The following CADPS variants were observed in gnomAD, a reference collection of about 807,000 sequenced individuals.
CADPS encodes calcium dependent secretion activator.
CADPS carries 57 observed loss-of-function variants against 167.3 expected under a neutral mutation model. The observed-to-expected ratio is 0.34, with a 90% CI of 0.28 to 0.42. The LOEUF is 0.42. Ranked by LOEUF, CADPS falls within the 20% of genes least tolerant of loss-of-function variation. The pLI, the probability that CADPS is intolerant of heterozygous loss-of-function variation, is 1.00. For missense variants in CADPS, 1,414 were observed against 1,738.1 expected, an observed-to-expected ratio of 0.81 and a Z score of 3.32; for synonymous variants, 676 against 635.3, an observed-to-expected ratio of 1.06 and a Z score of -0.96.
intron 3 of CADPS, among the ~76,000 whole-genome samples, chr3:62,715,753 CTTTTTTTTTTTT>C (rs71123291): frequency 2.2e-5 from 2 of 89,716 alleles, no homozygotes; most frequent in Non-Finnish European, 4.1e-5. Context: ...GATTATAAAT[CTTTTTTTTTTTT>C]TTTTTTTTTG....
At chr3:62,603,196 A>T (rs549910393) in intron 6 of CADPS, among the ~76,000 whole-genome samples, 1 of 152,346 alleles carries the variant, frequency 6.6e-6, no homozygotes. Flanking sequence ...GAGCACACTC[A>T]ATAGGCATTT....
At chr3:62,515,446 G>C (rs939582115) in intron 16 of CADPS, among the ~76,000 whole-genome samples, 1 of 152,126 alleles carries the variant, frequency 6.6e-6, no homozygotes, top group Non-Finnish European at 1.5e-5. Flanking sequence ...TGGGTCATCA[G>C]TGACCACTTC....
At chr3:62,628,938 T>C (rs77726996) in intron 6 of CADPS, among the ~76,000 whole-genome samples, 1,612 of 152,270 alleles carry the variant, frequency 0.011, 22 homozygotes, top group African/African-American at 0.036. Flanking sequence ...CATGAGCCTT[T>C]TTGTATCATT....
intron 29 of CADPS, among the ~76,000 whole-genome samples, chr3:62,401,642 C>T (rs926180499): frequency 2.0e-5 from 3 of 151,954 alleles, no homozygotes; most frequent in African/African-American, 7.2e-5. Context: ...TGAGTTGTGG[C>T]ATTAGTTAAG....
chr3:62,781,232 CT>C (rs944070777), intron 1 of CADPS, among the ~76,000 whole-genome samples: 7 of 152,136 alleles, frequency 4.6e-5, no homozygotes, highest in African/African-American at 1.7e-4. Context: ...GTTTGCTACC[CT>C]GAAGGCATAC....
chr3:62,662,277 G>T (rs745736038), intron 4 of CADPS, 37 bp downstream of exon 4: 1 of 1,552,562 alleles, frequency 6.4e-7, no homozygotes, highest in Non-Finnish European at 8.9e-7. Context: ...TGGGACTTTG[G>T]CCTGGACCCC....
intron 4 of CADPS, among the ~76,000 whole-genome samples, chr3:62,656,138 A>G (rs1465385297): frequency 6.6e-6 from 1 of 152,190 alleles, no homozygotes; most frequent in African/African-American, 2.4e-5. Flanking sequence ...AGATCATAAC[A>G]TGAATATGTT....
chr3:62,862,770 A>G (rs536023677), intron 1 of CADPS, among the ~76,000 whole-genome samples: 7 of 152,358 alleles, frequency 4.6e-5, no homozygotes, highest in Admixed American at 1.3e-4. Flanking sequence ...ATTTTTTAAA[A>G]AGTCTAAAAT....
intron 13 of CADPS, among the ~76,000 whole-genome samples, chr3:62,532,646 C>T (rs149660507): frequency 3.9e-5 from 6 of 152,072 alleles, no homozygotes; most frequent in East Asian, 1.9e-4. Context: ...GCCTAACTTC[C>T]GAGCTTGCCC....
intron 3 of CADPS, among the ~76,000 whole-genome samples, chr3:62,726,043 G>A (rs1488294070): frequency 6.6e-6 from 1 of 151,618 alleles, no homozygotes; most frequent in Non-Finnish European, 1.5e-5. Context: ...GGAGGCTGAC[G>A]GCCTATGGTT....
rs569847824 is a variant in CADPS, at chr3:62,562,514, T to C, written c.1645-5001A>G. ...TGATAATTAAAAAAGAATTTATTTC[T>C]TGTAGACATGGAGTCTCACTGTGTT... On this transcript the variant is annotated intron_variant, in intron 9 of 29. Transcript: ENST00000383710. Among the ~76,000 whole-genome samples, 292 of 152,328 alleles carry C rather than the reference T, an allele frequency of 1.9e-3. 2 individuals are homozygous for C. The highest frequency in any genetic ancestry group is 6.4e-3 in the African/African-American group (267 of 41,580).
chr3:62,555,327 C>T (rs1169894192), intron 10 of CADPS, among the ~76,000 whole-genome samples: 1 of 152,206 alleles, frequency 6.6e-6, no homozygotes, highest in African/African-American at 2.4e-5. Flanking sequence ...TTACTCCTTA[C>T]ACATGTAGAT....
rs1165493579 is a variant in CADPS at position 62,601,955 on chromosome 3, G to A, written c.1326-9207C>T. 3.9e-5 allele frequency among the ~76,000 whole-genome samples: 6 copies of A among 152,112 alleles called. No homozygotes were observed. The highest frequency in any genetic ancestry group is 5.9e-5 in the Non-Finnish European group (4 of 68,034). On this transcript the variant is annotated intron_variant, in intron 6 of 29. Coordinates refer to ENST00000383710, the MANE Select transcript of CADPS (RefSeq NM_003716.4). The surrounding 1 kb of genome is among the most constrained non-coding windows in gnomAD (Gnocchi z 4.3). The stretch of plus-strand genomic sequence containing the variant: ...CTCTGTGTTTGGGGAGCATCTGCTT[G>A]ATCACAGTCGCATCTCTGTTTACTA...
chr3:62,677,971 A>G (rs769386354), intron 3 of CADPS, among the ~76,000 whole-genome samples: 6 of 152,084 alleles, frequency 3.9e-5, no homozygotes, highest in Admixed American at 6.6e-5. Context: ...AATATCTTAC[A>G]CAGGGGTTAA....
Position 62,455,363 on chromosome 3 carries a change from C to A in CADPS, c.3637-9566G>T, listed in dbSNP as rs941442996. Among the ~76,000 whole-genome samples, 1 of 152,124 alleles carries A rather than the reference C, an allele frequency of 6.6e-6. No homozygotes were observed. Among genetic ancestry groups the A allele is most frequent in the African/African-American group, 2.4e-5 (1 of 41,436 alleles). The stretch of plus-strand genomic sequence containing the variant: ...GCAATTTATAAGGAATTCACCCTCA[C>A]AATGGTGGGCGTGAAATTCTCATTG... On this transcript the variant is annotated intron_variant, in intron 26 of 29. Transcript: ENST00000383710. This position sits in a 1 kb window ranked among gnomAD's most constrained non-coding sequence, Gnocchi z 4.4.
chr3:62,556,428 C>T (rs1038992908), intron 10 of CADPS, among the ~76,000 whole-genome samples: 5 of 152,300 alleles, frequency 3.3e-5, no homozygotes, highest in Middle Eastern at 3.4e-3. Context: ...GGTTAGCACC[C>T]CATCTTCTCT....
intron 6 of CADPS, among the ~76,000 whole-genome samples, chr3:62,622,632 A>G (rs1250537785): frequency 1.3e-5 from 2 of 152,072 alleles, no homozygotes; most frequent in Non-Finnish European, 2.9e-5. Context: ...TTATAATTCT[A>G]TGTTGTTTAT....
chr3:62,790,999 TA>T (rs34800701), intron 1 of CADPS, among the ~76,000 whole-genome samples: 25 of 148,122 alleles, frequency 1.7e-4, no homozygotes, highest in Non-Finnish European at 1.8e-4. Context: ...GGCTCCTAAG[TA>T]AAAAAAAAAA....
rs540293375 is a variant in CADPS, at chr3:62,826,264, G to A, written c.441+48325C>T. ...GAAAGGAGATCCTCCTAGAAGTTAG[G>A]AGAGGGGTTTGTTTCAGTAGAGATC... On this transcript the variant is annotated intron_variant, in intron 1 of 29. Transcript: ENST00000383710. Among the ~76,000 whole-genome samples the A allele has an allele frequency of 1.8e-4, 27 of 152,246 alleles. No individual in the cohort carries two copies. In the South Asian group the frequency reaches 3.7e-3, roughly 21 times the overall value.
Sources: gnomAD v4.1 joint callset for allele counts (sites outside exome capture counted in the v4.1 genomes callset) on GRCh38, gnomAD v4.1.1 for gene constraint, Gnocchi (gnomAD v3.1) non-coding constraint, MANE v1.5 for transcripts, NCBI Gene and HGNC (gene_info 2026-07-23, HGNC 2026-07-21) for gene names.